Variants in RCAN2 observed in about 807,000 individuals in gnomAD.
RCAN2 encodes regulator of calcineurin 2, also known as calcipressin-2.
Under a neutral mutation model 23.6 loss-of-function variants are expected in RCAN2, and 9 were observed. That is an observed-to-expected ratio of 0.38 (90% CI 0.23 to 0.67). The LOEUF (loss-of-function observed/expected upper bound fraction) is 0.67, where lower values mean the gene tolerates loss of function less well. RCAN2 is among the 30% of genes least tolerant of loss of function. The pLI is 0.51. For missense variants in RCAN2, 273 were observed against 302.3 expected, an observed-to-expected ratio of 0.90 and a Z score of 0.72; for synonymous variants, 109 against 115.7, an observed-to-expected ratio of 0.94 and a Z score of 0.37.
At chr6:46,408,351 C>T (rs1053196451) in intron 2 of RCAN2, among the ~76,000 whole-genome samples, 1 of 152,168 alleles carries the variant, frequency 6.6e-6, no homozygotes, top group Non-Finnish European at 1.5e-5. Flanking sequence ...GCTGGCGAGT[C>T]GCTCACACAG....
intron 1 of RCAN2, among the ~76,000 whole-genome samples, chr6:46,457,894 G>A (rs1319667754): frequency 6.6e-6 from 1 of 152,102 alleles, no homozygotes; most frequent in African/African-American, 2.4e-5. Flanking sequence ...CCTAACTGCA[G>A]AGTTTTTCCA....
chr6:46,346,022 G>A (rs1425546321), intron 2 of RCAN2, among the ~76,000 whole-genome samples: 1 of 152,074 alleles, frequency 6.6e-6, no homozygotes, highest in Non-Finnish European at 1.5e-5. Flanking sequence ...CTTGTGTAAA[G>A]ATGGTAAGAC....
chr6:46,430,961 A>T (rs1393984885), intron 2 of RCAN2, among the ~76,000 whole-genome samples: 2 of 152,216 alleles, frequency 1.3e-5, no homozygotes, highest in African/African-American at 4.8e-5. Context: ...CAGGAAAATG[A>T]TCTCTGGCAG....
chr6:46,277,259 T>C (rs1409653073), intron 2 of RCAN2, among the ~76,000 whole-genome samples: 1 of 152,258 alleles, frequency 6.6e-6, no homozygotes, highest in Admixed American at 6.5e-5. Flanking sequence ...ATTTACCTGA[T>C]CTTGTTAATT....
intron 4 of RCAN2, among the ~76,000 whole-genome samples, chr6:46,229,409 A>G (rs938934831): frequency 1.2e-4 from 19 of 152,178 alleles, no homozygotes; most frequent in Non-Finnish European, 2.5e-4. Flanking sequence ...AGGCACACCA[A>G]TCAGATGTAG....
At chr6:46,468,723 C>T in intron 1 of RCAN2, 1 of 715,760 alleles carries the variant, frequency 1.4e-6, no homozygotes, top group South Asian at 6.3e-5. Context: ...GTAATACCCT[C>T]AGATTCCCTC....
At chr6:46,344,574 G>A (rs1476711109) in intron 2 of RCAN2, among the ~76,000 whole-genome samples, 1 of 152,048 alleles carries the variant, frequency 6.6e-6, no homozygotes, top group Non-Finnish European at 1.5e-5. Flanking sequence ...AGGGGAGGTG[G>A]TTTGAATGGA....
intron 2 of RCAN2, among the ~76,000 whole-genome samples, chr6:46,272,745 T>A (rs1767562005): frequency 6.6e-6 from 1 of 152,250 alleles, no homozygotes. Flanking sequence ...AGGACTTTTT[T>A]GAATTAAGAT....
intron 2 of RCAN2, among the ~76,000 whole-genome samples, chr6:46,384,349 A>G (rs1765687615): frequency 6.6e-6 from 1 of 152,228 alleles, no homozygotes. Flanking sequence ...TATTATACAT[A>G]TTCAAGCATC....
At chr6:46,369,654 A>T (rs1765274974) in intron 2 of RCAN2, among the ~76,000 whole-genome samples, 3 of 152,192 alleles carry the variant, frequency 2.0e-5, no homozygotes, top group African/African-American at 7.2e-5. Context: ...TTGCAATTGC[A>T]ATTTCACGTA....
chr6:46,365,668 G>T (rs1259612144), intron 2 of RCAN2, among the ~76,000 whole-genome samples: 1 of 152,028 alleles, frequency 6.6e-6, no homozygotes, highest in African/African-American at 2.4e-5. Flanking sequence ...CCTTATCTAA[G>T]CATTTAAGAT....
At chr6:46,266,335 C>T (rs1234282608) in intron 2 of RCAN2, among the ~76,000 whole-genome samples, 2 of 152,214 alleles carry the variant, frequency 1.3e-5, no homozygotes, top group African/African-American at 2.4e-5. Context: ...TTTGTTCTTA[C>T]AATCACGACA....
chr6:46,418,067 T>A (rs982563232), intron 2 of RCAN2, among the ~76,000 whole-genome samples: 1 of 152,204 alleles, frequency 6.6e-6, no homozygotes, highest in Non-Finnish European at 1.5e-5. Context: ...TTGACATTAA[T>A]CATATATGAG....
At chr6:46,259,498 C>T (rs1767039752) in intron 2 of RCAN2, among the ~76,000 whole-genome samples, 1 of 152,186 alleles carries the variant, frequency 6.6e-6, no homozygotes. Flanking sequence ...TATCACTGTA[C>T]TGTACAGAAA....
At chr6:46,322,082 CA>C (rs1158963301) in intron 2 of RCAN2, among the ~76,000 whole-genome samples, 1 of 152,192 alleles carries the variant, frequency 6.6e-6, no homozygotes, top group Non-Finnish European at 1.5e-5. Flanking sequence ...CACCGATGTG[CA>C]ATCAGGTTTA....
intron 2 of RCAN2, among the ~76,000 whole-genome samples, chr6:46,336,765 G>T (rs1166071696): frequency 1.3e-5 from 2 of 152,206 alleles, no homozygotes; most frequent in Non-Finnish European, 2.9e-5. Flanking sequence ...GTAAATGTTG[G>T]TGACTCCAAA....
At position 46,367,022 on chromosome 6, in the gene RCAN2, G is replaced by GAGATATATATATATATAT. The variant is rs1423954723; in HGVS notation, c.225+89729_225+89730insATATATATATATATATCT. On this transcript the variant is annotated intron_variant, in intron 2 of 4. Transcript: ENST00000371374. The stretch of plus-strand genomic sequence containing the variant: ...ATTTTATTTTCAGTTATCTGGGATG[G>GAGATATATATATATATAT]ATATATATATATATATATATATATA... Among the ~76,000 whole-genome samples the GAGATATATATATATATAT allele has an allele frequency of 3.4e-5, 2 of 59,676 alleles. 1 individual carries two copies. Among genetic ancestry groups the GAGATATATATATATATAT allele is most frequent in the African/African-American group, 9.5e-5 (2 of 21,014 alleles). The allele number at this position is 59,676 out of a possible 152,430, so 39.1% of individuals were successfully genotyped here.
At chr6:46,372,054 G>T (rs1198686383) in intron 2 of RCAN2, among the ~76,000 whole-genome samples, 1 of 152,190 alleles carries the variant, frequency 6.6e-6, no homozygotes, top group Non-Finnish European at 1.5e-5. Context: ...ACCAGGGTTG[G>T]ACAGAGACCC....
intron 2 of RCAN2, among the ~76,000 whole-genome samples, chr6:46,281,210 G>A (rs141474260): frequency 1.5e-3 from 233 of 152,282 alleles, no homozygotes; most frequent in African/African-American, 5.2e-3. Context: ...ACAGGCATGC[G>A]CTGACTAATA....
Sources: allele counts gnomAD v4.1 joint callset (sites outside exome capture counted in the v4.1 genomes callset), GRCh38; gene constraint gnomAD v4.1.1; transcripts MANE v1.5; gene names NCBI Gene and HGNC (gene_info 2026-07-23, HGNC 2026-07-21).